Variants in TENM4 observed in about 807,000 individuals in gnomAD.
TENM4 encodes the protein teneurin-4.
TENM4 carries 82 observed loss-of-function variants against 243.3 expected under a neutral mutation model. The ratio of observed to expected loss-of-function variants is 0.34; its 90% CI spans 0.28 to 0.40. TENM4 has a LOEUF of 0.40. TENM4 is among the 10% of genes least tolerant of loss of function. The pLI is 1.00. For missense variants in TENM4, 3,138 were observed against 3,673.3 expected (o/e 0.85, Z 3.77); for synonymous variants, 1,412 against 1,456.3 (o/e 0.97, Z 0.69).
At chr11:79,439,301 T>G (rs1044245366) in intron 1 of TENM4, 1 of 151,716 alleles carries the variant, frequency 6.6e-6, no homozygotes, top group Non-Finnish European at 1.5e-5. Context: ...ATAACTGCAT[T>G]TCTATAAACC....
chr11:78,836,104 T>C (rs369638940), intron 12 of TENM4, among the ~76,000 whole-genome samples: 1 of 152,206 alleles, frequency 6.6e-6, no homozygotes, highest in Non-Finnish European at 1.5e-5. Flanking sequence ...ATGCCTGTAA[T>C]CCCAGTACTT....
chr11:79,343,966 C>G (rs528212108), intron 1 of TENM4, among the ~76,000 whole-genome samples: 34 of 152,336 alleles, frequency 2.2e-4, no homozygotes, highest in African/African-American at 7.9e-4. Flanking sequence ...ATCCCAGATA[C>G]TTCCCAGCTG....
chr11:78,963,945 G>A (rs1207570857), intron 6 of TENM4, among the ~76,000 whole-genome samples: 2 of 150,342 alleles, frequency 1.3e-5, no homozygotes, highest in Non-Finnish European at 3.0e-5. Flanking sequence ...CACTATGTTG[G>A]CCAGGCTGGT....
At chr11:78,987,470 T>C (rs960945842) in intron 6 of TENM4, among the ~76,000 whole-genome samples, 9 of 152,238 alleles carry the variant, frequency 5.9e-5, no homozygotes, top group African/African-American at 2.2e-4. Context: ...CTTACAGAAG[T>C]GAGAATAGTA....
intron 25 of TENM4, among the ~76,000 whole-genome samples, chr11:78,717,010 AT>A (rs1859535754): frequency 6.6e-6 from 1 of 152,204 alleles, no homozygotes; most frequent in African/African-American, 2.4e-5. Context: ...ACCATGTCTG[AT>A]TCTGATTCAA....
chr11:79,002,888 T>G (rs1476755867), intron 6 of TENM4, among the ~76,000 whole-genome samples: 1 of 152,076 alleles, frequency 6.6e-6, no homozygotes, highest in African/African-American at 2.4e-5. Flanking sequence ...ATCCAAGGAT[T>G]CTAAGGAATA....
At chr11:78,693,872 C>T (rs779081318) in intron 28 of TENM4, among the ~76,000 whole-genome samples, 13 of 152,168 alleles carry the variant, frequency 8.5e-5, no homozygotes, top group African/African-American at 1.7e-4. Context: ...AAATTAGCTA[C>T]GCACGGTGGC....
chr11:79,353,227 A>G (rs1857443992), intron 1 of TENM4, among the ~76,000 whole-genome samples: 2 of 152,182 alleles, frequency 1.3e-5, no homozygotes, highest in South Asian at 2.1e-4. Context: ...CCAGATCGTC[A>G]TTGACATTCC....
intron 19 of TENM4, 107 bp downstream of exon 19, chr11:78,756,698 T>C: frequency 9.5e-7 from 1 of 1,056,610 alleles, no homozygotes; most frequent in Non-Finnish European, 1.4e-6. Flanking sequence ...CCATGGATGC[T>C]CTCACGTTCC....
chr11:78,686,095 C>T (rs1475751195), intron 29 of TENM4, among the ~76,000 whole-genome samples: 1 of 152,194 alleles, frequency 6.6e-6, no homozygotes, highest in Admixed American at 6.5e-5. Context: ...CAGAGGGGAT[C>T]CTGCTCCATA....
At chr11:79,120,442 T>A (rs1035633623) in intron 4 of TENM4, among the ~76,000 whole-genome samples, 1 of 152,232 alleles carries the variant, frequency 6.6e-6, no homozygotes, top group Non-Finnish European at 1.5e-5. Flanking sequence ...GTGCCCACCA[T>A]GGGCATGAAC....
At chr11:79,417,534 A>G (rs1227928797) in intron 1 of TENM4, among the ~76,000 whole-genome samples, 2 of 151,956 alleles carry the variant, frequency 1.3e-5, no homozygotes, top group South Asian at 2.1e-4. Context: ...AGAAGTTTCA[A>G]CTTCGCATTC....
rs932761082 is a variant in TENM4 at position 79,215,897 on chromosome 11, T to G, written c.-252A>C. The G allele has an allele frequency of 4.1e-6, 4 of 981,090 alleles. No homozygotes were observed. Among genetic ancestry groups the G allele is most frequent in the Non-Finnish European group, 4.8e-6 (4 of 825,790 alleles). The allele number at this position is 981,090 out of a possible 1,614,324, so 60.8% of individuals were successfully genotyped here. ...AAGGCCATTGGATCCTGGAGGATGG[T>G]GCGGGATCTTTTCTGTTGAAGCAGA... is the stretch of plus-strand genomic sequence containing the variant. On this transcript the variant is annotated 5_prime_UTR_variant, in exon 3 of 34. Transcript: ENST00000278550.
intron 2 of TENM4, among the ~76,000 whole-genome samples, chr11:79,294,430 A>G (rs563737692): frequency 6.6e-6 from 1 of 152,316 alleles, no homozygotes; most frequent in African/African-American, 2.4e-5. Flanking sequence ...ATGGCTTGGC[A>G]GGTGGAATGC....
chr11:78,837,905 C>T (rs1565400518), intron 12 of TENM4, among the ~76,000 whole-genome samples: 1 of 152,032 alleles, frequency 6.6e-6, no homozygotes, highest in South Asian at 2.1e-4. Flanking sequence ...TTAAACAATG[C>T]TGTGATAAGT....
At chr11:78,850,389 G>C (rs747923375) in intron 12 of TENM4, among the ~76,000 whole-genome samples, 1 of 152,000 alleles carries the variant, frequency 6.6e-6, no homozygotes, top group Non-Finnish European at 1.5e-5. Context: ...ATGAAGGAAG[G>C]GTCAGATTCC....
At chr11:79,417,375 A>T (rs1482980024) in intron 1 of TENM4, among the ~76,000 whole-genome samples, 1 of 152,198 alleles carries the variant, frequency 6.6e-6, no homozygotes, top group African/African-American at 2.4e-5. Flanking sequence ...CTCAAAGGGG[A>T]CTGGTCCCTC....
At chr11:78,710,095 G>A (rs1208596339) in intron 26 of TENM4, among the ~76,000 whole-genome samples, 1 of 152,176 alleles carries the variant, frequency 6.6e-6, no homozygotes, top group Non-Finnish European at 1.5e-5. Flanking sequence ...GTTTTCTCTG[G>A]GGAAGGCAGT....
At chr11:78,892,222 G>A (rs920894260) in intron 7 of TENM4, among the ~76,000 whole-genome samples, 2 of 152,198 alleles carry the variant, frequency 1.3e-5, no homozygotes, top group African/African-American at 4.8e-5. Context: ...CAGGTCTGCT[G>A]AGTGACATGA....
Sources: allele counts gnomAD v4.1 joint callset (sites outside exome capture counted in the v4.1 genomes callset), GRCh38; gene constraint gnomAD v4.1.1; transcripts MANE v1.5; gene names NCBI Gene and HGNC (gene_info 2026-07-23, HGNC 2026-07-21).